The following CCSER1 variants were observed in gnomAD, a reference collection of about 807,000 sequenced individuals.
CCSER1 encodes serine-rich coiled-coil domain-containing protein 1.
Under a neutral mutation model 82.0 loss-of-function variants are expected in CCSER1, and 41 were observed. The observed-to-expected ratio is 0.50, with a 90% confidence interval of 0.39 to 0.65. The LOEUF is 0.65. CCSER1 is among the 30% of genes least tolerant of loss of function. The probability of loss-of-function intolerance (pLI) is 0.00; values close to 1 mark genes in which losing one functional copy is unlikely to be tolerated. For synonymous variants in CCSER1, 414 were observed against 383.9 expected, an observed-to-expected ratio of 1.08 and a Z score of -0.92; for missense variants, 1,119 against 1,064.2, an observed-to-expected ratio of 1.05 and a Z score of -0.72.
intron 6 of CCSER1, among the ~76,000 whole-genome samples, chr4:90,706,032 G>A (rs1045911469): frequency 2.6e-5 from 4 of 152,166 alleles, no homozygotes; most frequent in African/African-American, 7.2e-5. Context: ...TACCTCAGTT[G>A]GAAATGCAGA....
At chr4:91,319,880 G>T (rs6817404) in intron 10 of CCSER1, among the ~76,000 whole-genome samples, 118,956 of 152,018 alleles carry the variant, frequency 0.78, 47,297 homozygotes, top group African/African-American at 0.93. Flanking sequence ...CTTACTTGTG[G>T]TCACCCACAA....
intron 3 of CCSER1, among the ~76,000 whole-genome samples, chr4:90,386,186 G>A (rs763005654): frequency 6.6e-6 from 1 of 152,124 alleles, no homozygotes; most frequent in African/African-American, 2.4e-5. Context: ...ACCAAAAAGA[G>A]CCTGAATAGC....
At chr4:90,543,540 G>A (rs1055106912) in intron 5 of CCSER1, among the ~76,000 whole-genome samples, 1 of 152,146 alleles carries the variant, frequency 6.6e-6, no homozygotes, top group African/African-American at 2.4e-5. Flanking sequence ...TGAAGAGAGT[G>A]CACAGAATGT....
intron 8 of CCSER1, among the ~76,000 whole-genome samples, chr4:90,836,385 ATTC>A (rs1761808219): frequency 1.3e-5 from 2 of 152,034 alleles, no homozygotes; most frequent in Non-Finnish European, 2.9e-5. Context: ...GCAGATGCAT[ATTC>A]TTCTGAGCTT....
chr4:90,144,657 A>G (rs956398557), intron 1 of CCSER1, among the ~76,000 whole-genome samples: 2 of 152,180 alleles, frequency 1.3e-5, no homozygotes, highest in Non-Finnish European at 2.9e-5. Context: ...GATTACCTGG[A>G]CTATTTAAAG....
At chr4:91,143,112 C>T (rs1456403750) in intron 10 of CCSER1, among the ~76,000 whole-genome samples, 1 of 152,054 alleles carries the variant, frequency 6.6e-6, no homozygotes, top group Non-Finnish European at 1.5e-5. Flanking sequence ...AATCCATGAA[C>T]ATGGAGTATT....
chr4:91,505,923 T>C (rs1759459227), intron 10 of CCSER1, among the ~76,000 whole-genome samples: 1 of 152,218 alleles, frequency 6.6e-6, no homozygotes, highest in African/African-American at 2.4e-5. Context: ...CCTTTTGCTG[T>C]GCAGAAGCTC....
chr4:90,148,155 A>C (rs551062768), intron 1 of CCSER1, among the ~76,000 whole-genome samples: 1 of 152,186 alleles, frequency 6.6e-6, no homozygotes, highest in African/African-American at 2.4e-5. Flanking sequence ...ATACAGCAAT[A>C]CCCTGTCTCA....
intron 1 of CCSER1, among the ~76,000 whole-genome samples, chr4:90,160,067 G>A (rs1010346118): frequency 6.6e-6 from 1 of 152,284 alleles, no homozygotes; most frequent in Middle Eastern, 3.4e-3. Context: ...CACTTGAAGA[G>A]GTTATGTAAC....
rs561916309 is a variant in CCSER1, at chr4:91,214,718, G to A, written c.2217+128724G>A. The stretch of plus-strand genomic sequence containing the variant: ...AAGATTATCTGTTCTAGAAGTAATC[G>A]TTTTTAAAAGAAAATGAGACATTTC... On this transcript the variant is annotated intron_variant, in intron 10 of 10. Coordinates refer to ENST00000509176, the MANE Select transcript of CCSER1 (RefSeq NM_001145065.2). Among the ~76,000 whole-genome samples, 9 of 152,206 alleles carry A rather than the reference G, an allele frequency of 5.9e-5. No individual in the cohort carries two copies. The South Asian group carries it at 1.2e-3, about 21-fold the overall frequency.
At chr4:91,464,113 C>T (rs1032865141) in intron 10 of CCSER1, among the ~76,000 whole-genome samples, 12 of 152,182 alleles carry the variant, frequency 7.9e-5, no homozygotes, top group African/African-American at 2.4e-4. Flanking sequence ...AGAAAGGTCA[C>T]GTTACCCACA....
chr4:91,486,711 AG>A (rs936049568), intron 10 of CCSER1, among the ~76,000 whole-genome samples: 2 of 152,114 alleles, frequency 1.3e-5, no homozygotes, highest in African/African-American at 4.8e-5. Flanking sequence ...AGTGTTTGAG[AG>A]GTCGTGGATA....
At chr4:90,727,306 A>G (rs1561025613) in intron 7 of CCSER1, 1 of 455,300 alleles carries the variant, frequency 2.2e-6, no homozygotes, top group Non-Finnish European at 4.4e-6. Flanking sequence ...AGGTAGGAAC[A>G]AAATGTTATC....
intron 4 of CCSER1, among the ~76,000 whole-genome samples, chr4:90,448,050 C>T (rs1327426813): frequency 2.0e-5 from 3 of 152,010 alleles, no homozygotes; most frequent in Non-Finnish European, 4.4e-5. Context: ...ACCACCCTTC[C>T]CCTGAGGGCA....
At chr4:90,399,950 T>C (rs1165274404) in intron 3 of CCSER1, 86 bp from the exon 4 acceptor site, 2 of 652,130 alleles carry the variant, frequency 3.1e-6, no homozygotes, top group Admixed American at 5.3e-5. Flanking sequence ...TTGGAATTCA[T>C]TTTTGCTTCA....
chr4:90,764,710 A>G (rs939890865), intron 7 of CCSER1, among the ~76,000 whole-genome samples: 1 of 152,124 alleles, frequency 6.6e-6, no homozygotes, highest in Non-Finnish European at 1.5e-5. Flanking sequence ...TTTAAAGACT[A>G]ATGAAGAAAA....
At chr4:91,065,047 T>C (rs757375864) in intron 9 of CCSER1, among the ~76,000 whole-genome samples, 9 of 152,000 alleles carry the variant, frequency 5.9e-5, no homozygotes, top group Non-Finnish European at 1.3e-4. Flanking sequence ...TTAAGGCAGG[T>C]TTGACAGTTC....
At chr4:90,393,192 T>G (rs1437335753) in intron 3 of CCSER1, among the ~76,000 whole-genome samples, 1 of 152,216 alleles carries the variant, frequency 6.6e-6, no homozygotes, top group Non-Finnish European at 1.5e-5. Flanking sequence ...ACTTACCTAA[T>G]TAGTTTATCT....
chr4:90,247,365 G>A (rs6828014), intron 1 of CCSER1, among the ~76,000 whole-genome samples: 7,892 of 151,956 alleles, frequency 0.052, 547 homozygotes, highest in African/African-American at 0.16. Flanking sequence ...CATCCTGGTT[G>A]CTATGTGAAT....
Sources: gnomAD v4.1 joint callset for allele counts (sites outside exome capture counted in the v4.1 genomes callset) on GRCh38, gnomAD v4.1.1 for gene constraint, MANE v1.5 for transcripts, NCBI Gene and HGNC (gene_info 2026-07-23, HGNC 2026-07-21) for gene names.